The following OSBPL6 variants were observed in gnomAD, a reference collection of about 807,000 sequenced individuals.
The protein encoded by OSBPL6 is oxysterol-binding protein-related protein 6.
Under a neutral mutation model 125.8 loss-of-function variants are expected in OSBPL6, and 49 were observed. The observed-to-expected ratio is 0.39, with a 90% CI of 0.31 to 0.49. The LOEUF is 0.49. Among genes scored for constraint, OSBPL6 ranks in the 20% least tolerant of loss-of-function variants. The pLI is 0.88. For synonymous variants in OSBPL6, 394 were observed against 391.8 expected, an observed-to-expected ratio of 1.01 and a Z score of -0.07; for missense variants, 986 against 1,135.4, an observed-to-expected ratio of 0.87 and a Z score of 1.89.
chr2:178,304,353 G>A lies in OSBPL6; in HGVS notation c.-155-1677G>A, dbSNP rs146375297. On this transcript the variant is annotated intron_variant, in intron 2 of 24. Transcript: ENST00000190611. The stretch of plus-strand genomic sequence containing the variant: ...TAGGAAACTTATAATCATGGCAGAA[G>A]GGGAAGCAAACACTTCCTTCTTCAC... Among the ~76,000 whole-genome samples the A allele has an allele frequency of 6.9e-3, 1,049 of 152,284 alleles. 12 individuals are homozygous for A. The highest frequency in any genetic ancestry group is 0.023 in the African/African-American group (969 of 41,550).
intron 2 of OSBPL6, among the ~76,000 whole-genome samples, chr2:178,303,603 C>T (rs1686486862): frequency 6.6e-6 from 1 of 152,144 alleles, no homozygotes; most frequent in African/African-American, 2.4e-5. Flanking sequence ...ATTTACATCT[C>T]CAGCCTAGAT....
chr2:178,365,584 G>T (rs1428517046), intron 13 of OSBPL6, among the ~76,000 whole-genome samples: 1 of 152,080 alleles, frequency 6.6e-6, no homozygotes, highest in African/African-American at 2.4e-5. Context: ...GCTGAGGCAG[G>T]AGAATTGCTT....
At chr2:178,234,130 T>C (rs779231987) in intron 1 of OSBPL6, among the ~76,000 whole-genome samples, 5 of 152,230 alleles carry the variant, frequency 3.3e-5, no homozygotes, top group South Asian at 2.1e-4. Context: ...CTAATTACCA[T>C]ATATGTCTGA....
intron 11 of OSBPL6, among the ~76,000 whole-genome samples, chr2:178,348,673 T>C (rs1341772728): frequency 6.6e-6 from 1 of 152,252 alleles, no homozygotes; most frequent in Non-Finnish European, 1.5e-5. Flanking sequence ...TTTACTAATA[T>C]AGATTTTAAT....
chr2:178,333,549 A>G (rs1689415513), intron 8 of OSBPL6, among the ~76,000 whole-genome samples: 1 of 152,238 alleles, frequency 6.6e-6, no homozygotes, highest in South Asian at 2.1e-4. Flanking sequence ...TTAGGCAGAA[A>G]TGTGGATCAC....
intron 12 of OSBPL6, among the ~76,000 whole-genome samples, chr2:178,350,964 A>G (rs1691201422): frequency 6.6e-6 from 1 of 152,208 alleles, no homozygotes; most frequent in Non-Finnish European, 1.5e-5. Flanking sequence ...GATACATCAC[A>G]TTAACCAACT....
At position 178,241,749 on chromosome 2, in the gene OSBPL6, C is replaced by G. The variant is rs150227134; in HGVS notation, c.-350-43178C>G. Reference sequence around the variant, plus strand: ...TTTAAAAGACATCTTAAAGTTGTGCCAAGTTAAAATAATTGCCTTGGACAA... The same window carrying G: ...TTTAAAAGACATCTTAAAGTTGTGCGAAGTTAAAATAATTGCCTTGGACAA... On this transcript the variant is annotated intron_variant, in intron 1 of 24. Coordinates refer to ENST00000190611, the MANE Select transcript of OSBPL6 (RefSeq NM_032523.4). 8.8e-4 allele frequency among the ~76,000 whole-genome samples: 134 copies of G among 152,152 alleles called. 2 individuals are homozygous for G. The highest frequency in any genetic ancestry group is 3.2e-3 in the African/African-American group (132 of 41,516).
intron 3 of OSBPL6, among the ~76,000 whole-genome samples, chr2:178,306,582 A>G (rs1686781452): frequency 6.6e-6 from 1 of 152,134 alleles, no homozygotes; most frequent in Admixed American, 6.5e-5. Context: ...AAGAACTTGA[A>G]CACTCTTCTC....
chr2:178,277,544 A>C (rs2154028433), intron 1 of OSBPL6, among the ~76,000 whole-genome samples: 1 of 152,346 alleles, frequency 6.6e-6, no homozygotes, highest in South Asian at 2.1e-4. Flanking sequence ...AAATTGGCTA[A>C]ATGGTAGAAC....
At chr2:178,292,472 C>T (rs73030643) in intron 2 of OSBPL6, among the ~76,000 whole-genome samples, 388 of 152,248 alleles carry the variant, frequency 2.5e-3, no homozygotes, top group African/African-American at 8.9e-3. Context: ...AGGAAAAACA[C>T]ACACGCTCCC....
chr2:178,265,891 T>G (rs1254401021), intron 1 of OSBPL6, among the ~76,000 whole-genome samples: 2 of 152,126 alleles, frequency 1.3e-5, no homozygotes, highest in African/African-American at 4.8e-5. Flanking sequence ...GTAAAACATA[T>G]GCCTGAAAAA....
chr2:178,318,176 T>C (rs769953271), intron 3 of OSBPL6, among the ~76,000 whole-genome samples: 28 of 152,214 alleles, frequency 1.8e-4, no homozygotes, highest in Non-Finnish European at 3.7e-4. Flanking sequence ...AACTACTCTT[T>C]GCTATCAATG....
intron 3 of OSBPL6, among the ~76,000 whole-genome samples, chr2:178,318,385 T>C (rs1303411747): frequency 1.3e-5 from 2 of 152,222 alleles, no homozygotes; most frequent in African/African-American, 2.4e-5. Context: ...TAAAATTTTC[T>C]ACTTTCATTC....
intron 5 of OSBPL6, among the ~76,000 whole-genome samples, chr2:178,329,587 T>G (rs1218716974): frequency 6.6e-6 from 1 of 151,674 alleles, no homozygotes; most frequent in Non-Finnish European, 1.5e-5. Flanking sequence ...CTTGGCTAAT[T>G]TTTTTTTATT....
At chr2:178,369,853 A>G (rs2154104061) in intron 13 of OSBPL6, among the ~76,000 whole-genome samples, 1 of 152,292 alleles carries the variant, frequency 6.6e-6, no homozygotes, top group East Asian at 1.9e-4. Flanking sequence ...ACCACTACTT[A>G]TCTTTGCCCT....
At chr2:178,305,029 C>T (rs1686635805) in intron 2 of OSBPL6, among the ~76,000 whole-genome samples, 1 of 152,100 alleles carries the variant, frequency 6.6e-6, no homozygotes, top group Admixed American at 6.5e-5. Flanking sequence ...TTTTTGTGGC[C>T]TAAAAATTGA....
At position 178,328,278 on chromosome 2, in the gene OSBPL6, T is replaced by C. The variant is rs1422997508; in HGVS notation, c.218T>C (p.Ile73Thr). Residue 73 changes from isoleucine (I) to threonine (T), a missense_variant, in exon 5 of 25, where the codon ATA (isoleucine) becomes ACA (threonine). Coordinates refer to ENST00000190611, the MANE Select transcript of OSBPL6 (RefSeq NM_032523.4). Reference protein sequence around the residue: ...LSKEADSWEIIEGLKIGQTNV... With the variant: ...LSKEADSWEITEGLKIGQTNV... ...CAGGAAGCTGACAGCTGGGAAATTA[T>C]AGAAGGGCTGAAAATAGGCCAAACC... The C allele has an allele frequency of 1.2e-6, 2 of 1,613,838 alleles. No individual in the cohort carries two copies. Among genetic ancestry groups the C allele is most frequent in the African/African-American group, 1.3e-5 (1 of 75,034 alleles).
intron 5 of OSBPL6, 49 bp from the exon 6 acceptor site, chr2:178,331,503 T>C (rs2154077308): frequency 6.3e-7 from 1 of 1,587,272 alleles, no homozygotes; most frequent in East Asian, 2.2e-5. Context: ...GTGAATGTTT[T>C]ATGTAATTCA....
intron 16 of OSBPL6, 106 bp downstream of exon 16, chr2:178,382,613 A>G (rs1490654885): frequency 1.5e-5 from 21 of 1,429,968 alleles, no homozygotes; most frequent in Non-Finnish European, 1.7e-5. Flanking sequence ...CACCCCTGCT[A>G]ATTGTTCTTT....
Sources: allele counts gnomAD v4.1 joint callset (sites outside exome capture counted in the v4.1 genomes callset), GRCh38; gene constraint gnomAD v4.1.1; transcripts MANE v1.5; gene names NCBI Gene and HGNC (gene_info 2026-07-23, HGNC 2026-07-21).